Variants in OPCML observed in about 807,000 individuals in gnomAD.
OPCML encodes the protein opioid-binding protein/cell adhesion molecule.
OPCML carries 13 observed loss-of-function variants against 37.8 expected under a neutral mutation model. The observed-to-expected ratio is 0.34, with a 90% confidence interval of 0.22 to 0.55. The LOEUF is 0.55. OPCML is among the 20% of genes least tolerant of loss of function. The pLI is 0.91. For missense variants in OPCML, 341 were observed against 435.6 expected, an observed-to-expected ratio of 0.78 and a Z score of 1.93; for synonymous variants, 176 against 168.8, an observed-to-expected ratio of 1.04 and a Z score of -0.33.
intron 1 of OPCML, among the ~76,000 whole-genome samples, chr11:133,201,651 G>A (rs1938796981): frequency 6.6e-6 from 1 of 152,132 alleles, no homozygotes; most frequent in African/African-American, 2.4e-5. Flanking sequence ...AGTAAATGAA[G>A]GAGAGGAGAA....
chr11:133,530,821 C>G (rs1948590762), intron 1 of OPCML, among the ~76,000 whole-genome samples: 1 of 152,200 alleles, frequency 6.6e-6, no homozygotes, highest in East Asian at 1.9e-4. Context: ...AGTTGATCCT[C>G]TCTTCTTTCT....
At chr11:133,219,280 A>G (rs1565511540) in intron 1 of OPCML, among the ~76,000 whole-genome samples, 1 of 152,152 alleles carries the variant, frequency 6.6e-6, no homozygotes, top group African/African-American at 2.4e-5. Context: ...AGTCGTCCAC[A>G]TTTTGGTAGC....
chr11:133,335,146 G>A (rs1457303630), intron 1 of OPCML, among the ~76,000 whole-genome samples: 1 of 152,092 alleles, frequency 6.6e-6, no homozygotes, highest in Admixed American at 6.5e-5. Context: ...TGTCCCCTTG[G>A]CAACAAAATC....
chr11:132,492,184 C>T (rs1253844382), intron 4 of OPCML, among the ~76,000 whole-genome samples: 1 of 151,806 alleles, frequency 6.6e-6, no homozygotes, highest in Non-Finnish European at 1.5e-5. Flanking sequence ...GGTTTTGAGA[C>T]CCATGGTAAA....
At chr11:133,004,712 T>G (rs1374603528) in intron 1 of OPCML, 2 of 985,316 alleles carry the variant, frequency 2.0e-6, no homozygotes, top group Non-Finnish European at 2.4e-6. Context: ...GCTAGCTGAC[T>G]TTAGCTGTCT....
At chr11:133,031,356 T>C (rs550888816) in intron 1 of OPCML, among the ~76,000 whole-genome samples, 1 of 151,736 alleles carries the variant, frequency 6.6e-6, no homozygotes, top group South Asian at 2.1e-4. Flanking sequence ...AATGGGTGGA[T>C]AGATGAATGA....
chr11:132,436,605 G>T, intron 6 of OPCML, 54 bp downstream of exon 6: 1 of 1,603,110 alleles, frequency 6.2e-7, no homozygotes, highest in Non-Finnish European at 8.5e-7. Flanking sequence ...CTCCCATGTG[G>T]GGATAGACCA....
At chr11:133,327,019 TGTGTATGTGGGTGTGGGTGC>T in intron 1 of OPCML, among the ~76,000 whole-genome samples, 1 of 90,874 alleles carries the variant, frequency 1.1e-5, no homozygotes, top group Non-Finnish European at 2.1e-5. Flanking sequence ...GGGGAGGGTG[TGTGTATGTGGGTGTGGGTGC>T]GTGTATGTGT....
intron 2 of OPCML, among the ~76,000 whole-genome samples, chr11:132,871,213 TA>T (rs61664798): frequency 0.14 from 20,746 of 143,748 alleles, 1,581 homozygotes; most frequent in Middle Eastern, 0.26. Context: ...TAACTTAATT[TA>T]AAAAAAAAAA....
intron 1 of OPCML, among the ~76,000 whole-genome samples, chr11:133,016,028 C>A (rs1947328222): frequency 6.6e-6 from 1 of 152,216 alleles, no homozygotes; most frequent in Admixed American, 6.5e-5. Flanking sequence ...TATTAATTGG[C>A]TGTACATCCT....
intron 1 of OPCML, among the ~76,000 whole-genome samples, chr11:133,251,450 T>C (rs915116939): frequency 6.6e-6 from 1 of 152,018 alleles, no homozygotes; most frequent in African/African-American, 2.4e-5. Context: ...CTCTGTCAGA[T>C]GGAAAATGGC....
intron 1 of OPCML, among the ~76,000 whole-genome samples, chr11:133,345,603 G>A (rs1008744181): frequency 1.3e-5 from 2 of 152,176 alleles, no homozygotes; most frequent in African/African-American, 4.8e-5. Flanking sequence ...TATTGCTTGT[G>A]CCATTTTCCT....
chr11:133,086,245 T>G (rs1948816929), intron 1 of OPCML, among the ~76,000 whole-genome samples: 1 of 152,208 alleles, frequency 6.6e-6, no homozygotes, highest in Admixed American at 6.5e-5. Flanking sequence ...AAAAGGGATA[T>G]TACAGTCAAG....
At position 133,208,789 on chromosome 11, in the gene OPCML, C is replaced by T. The variant is rs499261; in HGVS notation, c.62-265779G>A. 0.86 allele frequency among the ~76,000 whole-genome samples: 130,664 copies of T among 152,060 alleles called. 56,322 individuals carry two copies. Among genetic ancestry groups the T allele is most frequent in the African/African-American group, 0.92 (38,063 of 41,490 alleles). On this transcript the variant is annotated intron_variant, in intron 1 of 7. Coordinates refer to ENST00000524381, the MANE Select transcript of OPCML (RefSeq NM_001012393.5). This position sits in a 1 kb window ranked among gnomAD's most constrained non-coding sequence, Gnocchi z 8.9. ...CCTTCTCTAGGACCAAAGGGATACACCAAGTGCTGGAGTGAAGATATAAGA... is the reference window on the plus strand; with the variant it reads ...CCTTCTCTAGGACCAAAGGGATACATCAAGTGCTGGAGTGAAGATATAAGA...
intron 1 of OPCML, among the ~76,000 whole-genome samples, chr11:133,522,664 C>G (rs1948417359): frequency 6.6e-6 from 1 of 152,150 alleles, no homozygotes; most frequent in African/African-American, 2.4e-5. Context: ...TCCAGCCCTT[C>G]ACTATGATTT....
intron 1 of OPCML, among the ~76,000 whole-genome samples, chr11:132,962,775 AGGC>A (rs1946121067): frequency 5.9e-5 from 9 of 152,188 alleles, no homozygotes; most frequent in Admixed American, 5.9e-4. Context: ...ATTCACGGGC[AGGC>A]ACTTCACCGC....
intron 2 of OPCML, among the ~76,000 whole-genome samples, chr11:132,659,489 G>T (rs1045324518): frequency 2.6e-5 from 4 of 152,316 alleles, no homozygotes; most frequent in Middle Eastern, 6.8e-3. Flanking sequence ...TGAAGGGCGT[G>T]ATGTTCCAGT....
At chr11:133,038,435 T>C (rs571762853) in intron 1 of OPCML, among the ~76,000 whole-genome samples, 1 of 152,352 alleles carries the variant, frequency 6.6e-6, no homozygotes, top group South Asian at 2.1e-4. Flanking sequence ...TTAGCCAACA[T>C]GGGCTATGAC....
intron 1 of OPCML, among the ~76,000 whole-genome samples, chr11:133,136,948 C>T (rs1283934307): frequency 6.6e-6 from 1 of 150,614 alleles, no homozygotes; most frequent in Admixed American, 6.7e-5. Context: ...AAGGAATGGT[C>T]ATCAGAAGTC....
Sources: gnomAD v4.1 joint callset for allele counts (sites outside exome capture counted in the v4.1 genomes callset) on GRCh38, gnomAD v4.1.1 for gene constraint, Gnocchi (gnomAD v3.1) non-coding constraint, MANE v1.5 for transcripts, NCBI Gene and HGNC (gene_info 2026-07-23, HGNC 2026-07-21) for gene names.